RP1: variants seen among roughly 807,000 people sequenced by gnomAD.
RP1 encodes the protein RP1 axonemal microtubule associated, also known as oxygen-regulated protein 1.
In RP1, 16 loss-of-function variants were observed where a neutral mutation model predicts 14.8. The observed-to-expected ratio is 1.08, with a 90% confidence interval of 0.73 to 1.65. The LOEUF is 1.65. Ranked by LOEUF, RP1 falls within the 40% of genes most tolerant of loss-of-function variation. The pLI, the probability that RP1 is intolerant of heterozygous loss-of-function variation, is 0.00. For synonymous variants in RP1, 876 were observed against 883.6 expected, an observed-to-expected ratio of 0.99 and a Z score of 0.15; for missense variants, 2,631 against 2,535.0, an observed-to-expected ratio of 1.04 and a Z score of -0.81.
At chr8:54,678,364 A>G (rs928080783) in intron 8 of RP1, 1 of 978,028 alleles carries the variant, frequency 1.0e-6, no homozygotes, top group Admixed American at 2.3e-5. Flanking sequence ...CAAGACCTTT[A>G]CATATATTTG....
At chr8:54,586,384 G>A (rs555647636) in intron 1 of RP1, among the ~76,000 whole-genome samples, 9 of 152,308 alleles carry the variant, frequency 5.9e-5, no homozygotes, top group Admixed American at 1.3e-4. Context: ...GTACCAGGCC[G>A]TGTGAGGTGT....
intron 15 of RP1, among the ~76,000 whole-genome samples, chr8:54,717,244 A>G (rs1257613538): frequency 6.6e-5 from 10 of 152,180 alleles, no homozygotes; most frequent in African/African-American, 2.4e-4. Flanking sequence ...TTTACTACAG[A>G]TTTGTTAAAA....
chr8:54,709,895 T>C (rs1808255012), intron 15 of RP1, among the ~76,000 whole-genome samples: 1 of 152,160 alleles, frequency 6.6e-6, no homozygotes, highest in African/African-American at 2.4e-5. Context: ...AATACTGTAT[T>C]TAACAAGCAG....
At chr8:54,733,591 C>G (rs540474245) in intron 17 of RP1, among the ~76,000 whole-genome samples, 86 of 152,162 alleles carry the variant, frequency 5.7e-4, no homozygotes, top group African/African-American at 2.0e-3. Flanking sequence ...CTAAGTGCTG[C>G]CGAGGGCTGC....
chr8:54,821,626 T>C (rs550415252), intron 24 of RP1, among the ~76,000 whole-genome samples: 2 of 152,322 alleles, frequency 1.3e-5, no homozygotes, highest in South Asian at 2.1e-4. Flanking sequence ...TCCTCAGTGG[T>C]TGCTGAAGTC....
intron 25 of RP1, among the ~76,000 whole-genome samples, chr8:54,845,444 C>T (rs1269810261): frequency 6.6e-6 from 1 of 152,124 alleles, no homozygotes; most frequent in Non-Finnish European, 1.5e-5. Context: ...ATGAGCCCTG[C>T]CCCTAGGAAC....
chr8:54,837,389 T>A (rs1185420781), intron 24 of RP1: 4 of 678,328 alleles, frequency 5.9e-6, no homozygotes, highest in African/African-American at 1.9e-5. Flanking sequence ...CAAAATGGAA[T>A]ATGAATTTGG....
In RP1 at chr8:54,625,150, C is replaced by T. The variant is rs779836499; in HGVS notation, c.1268C>T (p.Ala423Val). 6.2e-7 allele frequency: 1 copy of T among 1,614,124 alleles called. No individual in the cohort carries two copies. Among genetic ancestry groups the T allele is most frequent in the Non-Finnish European group, 8.5e-7 (1 of 1,180,010 alleles). Residue 423 changes from alanine to valine, a missense_variant, in exon 4 of 4, where the codon GCT becomes GTT. Transcript: ENST00000220676. ...CAAGTGGCTGAAACTTGCAGTTCTG[C>T]TAGTTGGGAGAATGCTACTGTGGAC... is the stretch of plus-strand genomic sequence containing the variant. ...TDQVAETCSSASWENATVDTD... is the reference protein window; with the variant it reads ...TDQVAETCSSVSWENATVDTD...
chr8:54,605,411 T>C (rs1315499890), intron 1 of RP1, among the ~76,000 whole-genome samples: 1 of 152,224 alleles, frequency 6.6e-6, no homozygotes, highest in East Asian at 1.9e-4. Flanking sequence ...AGAGAGTTTG[T>C]TATAATTTCT....
exon 12 of RP1, chr8:54,679,864 A>T: frequency 6.5e-7 from 1 of 1,536,072 alleles, no homozygotes; most frequent in Non-Finnish European, 8.7e-7. Flanking sequence ...TAACAAGCTG[A>T]CTGGAGGGTT....
At chr8:54,691,926 A>T (rs527892124) in intron 12 of RP1, among the ~76,000 whole-genome samples, 2 of 152,024 alleles carry the variant, frequency 1.3e-5, no homozygotes, top group African/African-American at 4.8e-5. Flanking sequence ...TTAACTCGTC[A>T]TTTAGCATTA....
intron 1 of RP1, among the ~76,000 whole-genome samples, chr8:54,617,642 C>T (rs1396472068): frequency 6.6e-6 from 1 of 152,186 alleles, no homozygotes; most frequent in Non-Finnish European, 1.5e-5. Flanking sequence ...ACAGACTCTC[C>T]TCTGGAAATT....
intron 3 of RP1, among the ~76,000 whole-genome samples, chr8:54,641,332 A>G (rs1806450935): frequency 6.6e-6 from 1 of 152,064 alleles, no homozygotes; most frequent in Non-Finnish European, 1.5e-5. Flanking sequence ...TTTTATTGTT[A>G]TGTATATGAA....
intron 24 of RP1, among the ~76,000 whole-genome samples, chr8:54,789,288 C>T (rs949565724): frequency 2.0e-5 from 3 of 152,194 alleles, no homozygotes; most frequent in African/African-American, 7.2e-5. Flanking sequence ...AGAATACAGT[C>T]TGCAGTTATG....
chr8:54,675,238 A>C (rs531837242), intron 8 of RP1, among the ~76,000 whole-genome samples: 1 of 152,336 alleles, frequency 6.6e-6, no homozygotes, highest in East Asian at 1.9e-4. Context: ...TTATAAGATA[A>C]AGTAAAATTC....
chr8:54,821,606 C>G (rs1408448110), intron 24 of RP1, among the ~76,000 whole-genome samples: 1 of 152,126 alleles, frequency 6.6e-6, no homozygotes, highest in Admixed American at 6.5e-5. Flanking sequence ...ATGAAACTAC[C>G]AGTTAGTCAT....
At chr8:54,563,151 G>A (rs1021033541) in intron 1 of RP1, among the ~76,000 whole-genome samples, 8 of 152,248 alleles carry the variant, frequency 5.3e-5, no homozygotes, top group African/African-American at 1.9e-4. Context: ...CCTCAGAGCA[G>A]AAGAGTCAGC....
chr8:54,599,229 C>T (rs1273841265), intron 1 of RP1, among the ~76,000 whole-genome samples: 2 of 152,064 alleles, frequency 1.3e-5, no homozygotes, highest in Admixed American at 6.6e-5. Flanking sequence ...TTCCATGATG[C>T]TGTTGAGCCC....
Position 54,624,800 on chromosome 8 carries a change from T to G in RP1, c.918T>G (p.Asp306Glu). ...PEKYLALEKN[D>E]SQNLPIYPSE... is the part of the protein sequence containing the mutation. Reference sequence around the variant, plus strand: ...AGTACTTGGCCTTAGAAAAGAATGATTCTCAGAATTTACCAATATATCCTT... The same window carrying G: ...AGTACTTGGCCTTAGAAAAGAATGAGTCTCAGAATTTACCAATATATCCTT... The change falls in exon 4 of 4, where the codon GAT (aspartate) becomes GAG (glutamate). Residue 306 changes from aspartate to glutamate, a missense_variant. Physicochemically the swap from Asp to Glu is conservative, Grantham distance 45. Transcript: ENST00000220676. The G allele has an allele frequency of 6.2e-7, 1 of 1,614,004 alleles. No homozygotes were observed.
Sources: allele counts gnomAD v4.1 joint callset (sites outside exome capture counted in the v4.1 genomes callset), GRCh38; gene constraint gnomAD v4.1.1; transcripts MANE v1.5; gene names NCBI Gene and HGNC (gene_info 2026-07-23, HGNC 2026-07-21).